BTBD7: variants seen among roughly 807,000 people sequenced by gnomAD.
BTBD7 encodes the protein BTB domain containing 7, also known as BTB/POZ domain-containing protein 7.
BTBD7 carries 38 observed loss-of-function variants against 99.9 expected under a neutral mutation model. The observed-to-expected ratio is 0.38, with a 90% CI of 0.29 to 0.50. BTBD7 has a LOEUF of 0.50. Ranked by LOEUF, BTBD7 falls within the 20% of genes least tolerant of loss-of-function variation. BTBD7 has a pLI of 0.93. For missense variants in BTBD7, 1,170 were observed against 1,394.6 expected (o/e 0.84, Z 2.57); for synonymous variants, 520 against 511.4 (o/e 1.02, Z -0.23).
chr14:93,258,326 C>T (rs1277210148), intron 5 of BTBD7, among the ~76,000 whole-genome samples: 6 of 151,700 alleles, frequency 4.0e-5, no homozygotes, highest in African/African-American at 1.5e-4. Flanking sequence ...CATTTTTTTC[C>T]CCCTTGCCTA....
Position 93,257,255 on chromosome 14 carries a change from G to A in BTBD7, c.1548C>T (p.Leu516=). 6.2e-7 allele frequency: 1 copy of A among 1,614,142 alleles called. No homozygotes were observed. Among genetic ancestry groups the A allele is most frequent in the Non-Finnish European group, 8.5e-7 (1 of 1,179,998 alleles). The change falls in exon 6 of 11, where the codon CTC becomes CTT. Residue 516 remains leucine, a synonymous_variant. Coordinates refer to ENST00000334746, the MANE Select transcript of BTBD7 (RefSeq NM_001002860.4). ...MEELREILSS[L]LPFVRIEHIL... is the part of the protein sequence containing the mutation. ...TGTGTTCAATTCGCACAAAAGGTAA[G>A]AGAGAAGAAAGGATCTCTCTGAGCT... is the stretch of plus-strand genomic sequence containing the variant.
chr14:93,257,331 G>A lies in BTBD7; in HGVS notation c.1472C>T (p.Ala491Val), dbSNP rs755396189. The A allele has an allele frequency of 6.2e-7, 1 of 1,611,484 alleles. No homozygotes were observed. Among genetic ancestry groups the A allele is most frequent in the African/African-American group, 1.3e-5 (1 of 74,720 alleles). ...DREPNLLSGT[A>V]HSVNKRGVKR... ...TACACCTCTTTTGTTCACACTATGG[G>A]CAGTGCCACTCAGTAAGTTTGGCTC... Residue 491 changes from alanine (A) to valine (V), a missense_variant, in exon 6 of 11, where the codon GCC becomes GTC. Physicochemically the swap from Ala to Val is moderately conservative, Grantham distance 64 (BLOSUM62 0). Around this residue, in one of 4 missense-constraint regions of BTBD7, gnomAD observed 309 missense variants for 342.0 expected, o/e 0.90. Transcript: ENST00000334746.
intron 1 of BTBD7, among the ~76,000 whole-genome samples, chr14:93,330,669 C>T (rs2053392202): frequency 6.6e-6 from 1 of 152,216 alleles, no homozygotes; most frequent in Non-Finnish European, 1.5e-5. Context: ...CTTTCTTCCA[C>T]ATCATTCATC....
At position 93,261,079 on chromosome 14, in the gene BTBD7, C is replaced by T. The variant is rs145275694; in HGVS notation, c.1447+523G>A. ...CTAATTTTTGTATTTTTAGTAGAGG[C>T]GGGATTCTGCCATGTTGGCCAGGCT... On this transcript the variant is annotated intron_variant, in intron 5 of 10. Transcript: ENST00000334746. Among the ~76,000 whole-genome samples the T allele has an allele frequency of 2.1e-3, 316 of 152,056 alleles. 5 individuals carry two copies. The East Asian group carries it at 0.023, about 11-fold the overall frequency.
intron 1 of BTBD7, among the ~76,000 whole-genome samples, chr14:93,305,856 C>T (rs2053063797): frequency 6.6e-6 from 1 of 152,090 alleles, no homozygotes; most frequent in South Asian, 2.1e-4. Context: ...CTTGCTGTGC[C>T]CTAACATGGC....
intron 9 of BTBD7, among the ~76,000 whole-genome samples, chr14:93,246,517 G>A (rs573979440): frequency 6.6e-6 from 1 of 152,242 alleles, no homozygotes; most frequent in Non-Finnish European, 1.5e-5. Flanking sequence ...CTGCTTGATC[G>A]AATGCTCCTC....
chr14:93,271,534 C>T (rs997016427), intron 3 of BTBD7, among the ~76,000 whole-genome samples: 5 of 152,004 alleles, frequency 3.3e-5, no homozygotes, highest in African/African-American at 9.7e-5. Flanking sequence ...CAAACAGGCT[C>T]GAGAGAAAAG....
In BTBD7 at chr14:93,300,777, TATATATA is replaced by T. The variant is rs1301480539; in HGVS notation, c.-106-4627_-106-4621del. Among the ~76,000 whole-genome samples the T allele has an allele frequency of 8.2e-4, 81 of 99,318 alleles. 1 individual carries two copies. Among genetic ancestry groups the T allele is most frequent in the East Asian group, 5.6e-3 (19 of 3,410 alleles). 65.2% of individuals were successfully genotyped at this position (99,318 alleles called of 152,430 possible). A position where few individuals can be genotyped will look rare whatever the true frequency, so the allele number is the denominator to read the frequency against. On this transcript the variant is annotated intron_variant, in intron 1 of 10. Transcript: ENST00000334746. Reference sequence around the variant, plus strand: ...GTGTGTGTGTGTGTGTGTGTGTATATATATATATATTTTTTTTTTGTAGAGATAGGGT... The same window carrying T: ...GTGTGTGTGTGTGTGTGTGTGTATATTATTTTTTTTTTGTAGAGATAGGGT...
chr14:93,324,279 A>C (rs2053302250), intron 1 of BTBD7, among the ~76,000 whole-genome samples: 2 of 151,978 alleles, frequency 1.3e-5, no homozygotes, highest in African/African-American at 4.8e-5. Context: ...TCTACAAATA[A>C]TTTTTTTAAA....
intron 3 of BTBD7, among the ~76,000 whole-genome samples, chr14:93,275,718 T>C (rs566289069): frequency 2.0e-5 from 3 of 152,334 alleles, no homozygotes; most frequent in African/African-American, 4.8e-5. Flanking sequence ...TGTCACTGTA[T>C]TGAATACTGT....
intron 3 of BTBD7, among the ~76,000 whole-genome samples, chr14:93,275,860 CATT>C (rs1376199847): frequency 3.3e-5 from 5 of 152,224 alleles, no homozygotes; most frequent in Admixed American, 6.5e-5. Context: ...ACTGAATCAT[CATT>C]ATGTGGTACA....
chr14:93,307,287 G>C lies in BTBD7; in HGVS notation c.-106-11130C>G, dbSNP rs1032857794. Among the ~76,000 whole-genome samples the C allele has an allele frequency of 2.2e-4, 34 of 152,288 alleles. No individual in the cohort carries two copies. In the Middle Eastern group the frequency reaches 0.01, roughly 46 times the overall value. On this transcript the variant is annotated intron_variant, in intron 1 of 10. Transcript: ENST00000334746. ...CAAGCCTCAGCCTCCCAAGTAGCTA[G>C]AGCAGGCGTGTGCCACCATGTCCAG...
intron 10 of BTBD7, 50 bp from the exon 11 acceptor site, chr14:93,243,138 T>G (rs2139670741): frequency 6.8e-7 from 1 of 1,464,812 alleles, no homozygotes; most frequent in Non-Finnish European, 9.3e-7. Flanking sequence ...GGACCCATCC[T>G]CTGTAGAAAT....
At chr14:93,316,787 A>G (rs191791870) in intron 1 of BTBD7, among the ~76,000 whole-genome samples, 1 of 152,336 alleles carries the variant, frequency 6.6e-6, no homozygotes, top group East Asian at 1.9e-4. Context: ...TCAAGATGGT[A>G]AAGTGATCAT....
chr14:93,275,748 G>A (rs1049149312), intron 3 of BTBD7, among the ~76,000 whole-genome samples: 3 of 152,166 alleles, frequency 2.0e-5, no homozygotes, highest in Non-Finnish European at 2.9e-5. Context: ...TAATGCAATG[G>A]TATCTGTTCA....
In BTBD7 at chr14:93,261,659, G is replaced by A; in HGVS notation, c.1390C>T (p.Leu464Phe). 1 of 1,608,778 alleles carries A rather than the reference G, an allele frequency of 6.2e-7. No individual in the cohort carries two copies. Among genetic ancestry groups the A allele is most frequent in the Non-Finnish European group, 8.5e-7 (1 of 1,176,688 alleles). ...DYLQASEQDI[L>F]KYLIKWGEHQ... Reference sequence around the variant, plus strand: ...TCTCCCCATTTAATCAGATATTTAAGGATATCTTGTTCACTTGCCTATAAT... The same window carrying A: ...TCTCCCCATTTAATCAGATATTTAAAGATATCTTGTTCACTTGCCTATAAT... Residue 464 changes from leucine to phenylalanine, a missense_variant, in exon 5 of 11, where the codon CTT becomes TTT. Around this residue, in one of 4 missense-constraint regions of BTBD7, gnomAD observed 309 missense variants for 342.0 expected, o/e 0.90. Transcript: ENST00000334746.
At chr14:93,252,523 GT>G (rs34105100) in intron 7 of BTBD7, among the ~76,000 whole-genome samples, 301 of 142,422 alleles carry the variant, frequency 2.1e-3, no homozygotes, top group African/African-American at 5.1e-3. Context: ...CGCCTGGCTA[GT>G]TTTTTTTTTT....
intron 1 of BTBD7, among the ~76,000 whole-genome samples, chr14:93,329,846 C>G (rs1050753336): frequency 6.6e-6 from 1 of 152,124 alleles, no homozygotes; most frequent in Non-Finnish European, 1.5e-5. Context: ...TAAGAAAACT[C>G]CAAATGAAAG....
At position 93,300,782 on chromosome 14, in the gene BTBD7, A is replaced by AT. The variant is rs1181481151; in HGVS notation, c.-106-4626dup. Reference sequence around the variant, plus strand: ...TGTGTGTGTGTGTGTGTATATATATATATATTTTTTTTTTGTAGAGATAGG... The same window carrying AT: ...TGTGTGTGTGTGTGTGTATATATATATTATATTTTTTTTTTGTAGAGATAGG... On this transcript the variant is annotated intron_variant, in intron 1 of 10. Coordinates refer to ENST00000334746, the MANE Select transcript of BTBD7 (RefSeq NM_001002860.4). Among the ~76,000 whole-genome samples the AT allele has an allele frequency of 7.5e-4, 48 of 63,754 alleles. 2 individuals are homozygous for AT. The highest frequency in any genetic ancestry group is 3.6e-3 in the African/African-American group (46 of 12,650). The allele number at this position is 63,754 out of a possible 152,430, so 41.8% of individuals were successfully genotyped here.
Sources: allele counts gnomAD v4.1 joint callset (sites outside exome capture counted in the v4.1 genomes callset), GRCh38; gene constraint gnomAD v4.1.1; regional missense constraint gnomAD v4.1.1; transcripts MANE v1.5; gene names NCBI Gene and HGNC (gene_info 2026-07-23, HGNC 2026-07-21).